The following PPP6R3 variants were observed in gnomAD, a reference collection of about 807,000 sequenced individuals.
PPP6R3 encodes serine/threonine-protein phosphatase 6 regulatory subunit 3.
In PPP6R3, 38 loss-of-function variants were observed where a neutral mutation model predicts 110.7. The observed-to-expected ratio is 0.34, with a 90% CI of 0.26 to 0.45. The LOEUF (loss-of-function observed/expected upper bound fraction) is 0.45, where lower values mean the gene tolerates loss of function less well. Ranked by LOEUF, PPP6R3 falls within the 20% of genes least tolerant of loss-of-function variation. The pLI, the probability that PPP6R3 is intolerant of heterozygous loss-of-function variation, is 1.00. For synonymous variants in PPP6R3, 369 were observed against 373.5 expected (o/e 0.99, Z 0.14); for missense variants, 870 against 1,062.4 (o/e 0.82, Z 2.52).
At chr11:68,587,876 A>C in intron 15 of PPP6R3, 51 bp from the exon 16 acceptor site, 1 of 1,416,468 alleles carries the variant, frequency 7.1e-7, no homozygotes, top group Non-Finnish European at 1.0e-6. Flanking sequence ...AATAGTATGT[A>C]GAATATCATT....
At chr11:68,594,285 A>AGAGAGAG (rs1400988393) in intron 18 of PPP6R3, among the ~76,000 whole-genome samples, 1 of 146,498 alleles carries the variant, frequency 6.8e-6, no homozygotes, top group Non-Finnish European at 1.5e-5. Context: ...AGAGAGAGAG[A>AGAGAGAG]GAGAGAGGAG....
rs534885283 is a variant in PPP6R3 at position 68,518,532 on chromosome 11, C to G, written c.-157-969C>G. 2.6e-5 allele frequency among the ~76,000 whole-genome samples: 4 copies of G among 152,214 alleles called. No individual in the cohort carries two copies. The South Asian group carries it at 6.2e-4, about 24-fold the overall frequency. On this transcript the variant is annotated intron_variant, in intron 1 of 23. Coordinates refer to ENST00000393800, the MANE Select transcript of PPP6R3 (RefSeq NM_001164161.2). Reference sequence around the variant, plus strand: ...GACCTTTCTGTTTTGTCTAAGGACTCCAGCAGCACAGCCACATGGTCTGTT... The same window carrying G: ...GACCTTTCTGTTTTGTCTAAGGACTGCAGCAGCACAGCCACATGGTCTGTT...
rs919228037 is a variant in PPP6R3, at chr11:68,614,005, T to C, written c.*888T>C. The C allele has an allele frequency of 1.0e-6, 1 of 985,284 alleles. No homozygotes were observed. The allele number at this position is 985,284 out of a possible 1,614,324, so 61.0% of individuals were successfully genotyped here. A position where few individuals can be genotyped will look rare whatever the true frequency, so the allele number is the denominator to read the frequency against. The stretch of plus-strand genomic sequence containing the variant: ...CCAAAATTTACCTTGTTAACAAGCA[T>C]CACCAATGAACATTTCAGAGCAATC... On this transcript the variant is annotated 3_prime_UTR_variant, in exon 24 of 24. Transcript: ENST00000393800.
At chr11:68,474,181 A>T (rs909545098) in intron 1 of PPP6R3, among the ~76,000 whole-genome samples, 2 of 151,866 alleles carry the variant, frequency 1.3e-5, no homozygotes, top group Non-Finnish European at 2.9e-5. Context: ...AGTAGCTGGG[A>T]CTACAAGCAC....
intron 3 of PPP6R3, among the ~76,000 whole-genome samples, chr11:68,544,451 A>T (rs1322420486): frequency 6.6e-6 from 1 of 152,202 alleles, no homozygotes; most frequent in Non-Finnish European, 1.5e-5. Flanking sequence ...TGTCCTCCAC[A>T]GTTGTCCGCA....
chr11:68,471,011 G>T (rs1453635015), intron 1 of PPP6R3, among the ~76,000 whole-genome samples: 1 of 151,886 alleles, frequency 6.6e-6, no homozygotes, highest in African/African-American at 2.4e-5. Context: ...GGCCGGGCGC[G>T]GTGGCTCACT....
At chr11:68,520,637 C>T (rs1231421916) in intron 2 of PPP6R3, among the ~76,000 whole-genome samples, 1 of 152,132 alleles carries the variant, frequency 6.6e-6, no homozygotes, top group Non-Finnish European at 1.5e-5. Context: ...TTCTTGCCCC[C>T]GATATTCAGA....
intron 1 of PPP6R3, among the ~76,000 whole-genome samples, chr11:68,489,473 T>TA (rs1458237508): frequency 1.3e-5 from 2 of 152,104 alleles, no homozygotes; most frequent in East Asian, 3.8e-4. Context: ...CAAATAACAC[T>TA]ACAGAGGTAG....
intron 1 of PPP6R3, among the ~76,000 whole-genome samples, chr11:68,474,324 G>C (rs562020148): frequency 4.3e-4 from 65 of 152,258 alleles, no homozygotes; most frequent in African/African-American, 1.5e-3. Flanking sequence ...GGGATTACAG[G>C]CATGTGCCAC....
At chr11:68,568,847 C>A (rs2099490273) in intron 10 of PPP6R3, among the ~76,000 whole-genome samples, 1 of 151,690 alleles carries the variant, frequency 6.6e-6, no homozygotes, top group Non-Finnish European at 1.5e-5. Flanking sequence ...TCACTGCAAG[C>A]TCCGCCTCCT....
intron 2 of PPP6R3, among the ~76,000 whole-genome samples, chr11:68,523,292 CCTT>C (rs1456797211): frequency 7.2e-5 from 11 of 152,156 alleles, no homozygotes; most frequent in African/African-American, 2.4e-4. Flanking sequence ...TTGCACTTGA[CCTT>C]CTCCGTAACT....
At chr11:68,610,398 C>T (rs144821861) in intron 23 of PPP6R3, among the ~76,000 whole-genome samples, 116 of 152,276 alleles carry the variant, frequency 7.6e-4, no homozygotes, top group Non-Finnish European at 1.5e-3. Context: ...GTCATCCAGC[C>T]GCCAGGCACG....
At chr11:68,594,393 A>G (rs2099606927) in intron 18 of PPP6R3, among the ~76,000 whole-genome samples, 1 of 152,152 alleles carries the variant, frequency 6.6e-6, no homozygotes, top group Middle Eastern at 3.4e-3. Flanking sequence ...ATGGTGGCTC[A>G]TGCCTACAAT....
chr11:68,472,760 G>A (rs2098801243), intron 1 of PPP6R3, among the ~76,000 whole-genome samples: 1 of 151,834 alleles, frequency 6.6e-6, no homozygotes, highest in Non-Finnish European at 1.5e-5. Flanking sequence ...TAACATTTTT[G>A]TCACCCCCTC....
rs778346218 is a variant in PPP6R3, at chr11:68,548,070, G to T, written c.418G>T (p.Val140Leu). Residue 140 changes from valine to leucine, a missense_variant, in exon 5 of 24, where the codon GTG becomes TTG. Physicochemically the swap from Val to Leu is conservative, Grantham distance 32. Transcript: ENST00000393800. ...TTTCTGATCTGTTCTTCTCTAGATT[G>T]TGGATTTCTTAAAGAAGAAGCATGA... ...ILISRKPEQIVDFLKKKHDFV... is the reference protein window; with the variant it reads ...ILISRKPEQILDFLKKKHDFV... 27 of 1,612,964 alleles carry T rather than the reference G, an allele frequency of 1.7e-5. No individual in the cohort carries two copies. The highest frequency in any genetic ancestry group is 9.9e-5 in the South Asian group (9 of 91,004).
At chr11:68,525,358 A>G (rs1379687579) in intron 2 of PPP6R3, among the ~76,000 whole-genome samples, 1 of 152,220 alleles carries the variant, frequency 6.6e-6, no homozygotes, top group Non-Finnish European at 1.5e-5. Flanking sequence ...ATTGTGGAAT[A>G]GCTAGGAGAG....
chr11:68,485,701 T>C (rs1331874826), intron 1 of PPP6R3, among the ~76,000 whole-genome samples: 1 of 151,484 alleles, frequency 6.6e-6, no homozygotes, highest in Non-Finnish European at 1.5e-5. Flanking sequence ...ATTTAAAAAA[T>C]TATTTATTTT....
intron 1 of PPP6R3, among the ~76,000 whole-genome samples, chr11:68,466,224 C>T (rs949264898): frequency 5.3e-5 from 8 of 152,054 alleles, no homozygotes; most frequent in Admixed American, 5.2e-4. Flanking sequence ...GTCATGGAAG[C>T]CCCCTTTCCT....
chr11:68,587,938 T>A lies in PPP6R3; in HGVS notation c.1644T>A (p.Asp548Glu). ...CCTGGGGTTGCCAGGCCTTTTCTGA[T>A]TATCAGATGCAACAAATGACGTCCA... ...QDSSLQQAFS[D>E]YQMQQMTSNF... The change falls in exon 16 of 24, where the codon GAT (aspartate) becomes GAA (glutamate). Residue 548 changes from aspartate (D) to glutamate (E), a missense_variant. Physicochemically the swap from Asp to Glu is conservative, Grantham distance 45 (BLOSUM62 2). Coordinates refer to ENST00000393800, the MANE Select transcript of PPP6R3 (RefSeq NM_001164161.2). 1.9e-6 allele frequency: 3 copies of A among 1,614,182 alleles called. No individual in the cohort carries two copies. Among genetic ancestry groups the A allele is most frequent in the Non-Finnish European group, 2.5e-6 (3 of 1,179,996 alleles).
Sources: allele counts gnomAD v4.1 joint callset (sites outside exome capture counted in the v4.1 genomes callset), GRCh38; gene constraint gnomAD v4.1.1; transcripts MANE v1.5; gene names NCBI Gene and HGNC (gene_info 2026-07-23, HGNC 2026-07-21).